NRP1: variants seen among roughly 807,000 people sequenced by gnomAD.
NRP1 encodes neuropilin 1, also known as neuropilin-1.
A neutral mutation model predicts 106.7 loss-of-function variants in NRP1; 35 were observed. The ratio of observed to expected loss-of-function variants is 0.33; its 90% CI spans 0.25 to 0.43. NRP1 has a LOEUF of 0.43. Ranked by LOEUF, NRP1 falls within the 20% of genes least tolerant of loss-of-function variation. The pLI is 1.00. For synonymous variants in NRP1, 437 were observed against 417.9 expected (o/e 1.05, Z -0.56); for missense variants, 1,024 against 1,170.4 (o/e 0.87, Z 1.83).
At chr10:33,277,430 C>T (rs867255819) in intron 2 of NRP1, among the ~76,000 whole-genome samples, 7 of 152,352 alleles carry the variant, frequency 4.6e-5, no homozygotes, top group African/African-American at 1.7e-4. Flanking sequence ...TTTCCTTTCT[C>T]ACACCAGCAC....
chr10:33,287,254 T>C (rs1338407327), intron 2 of NRP1, among the ~76,000 whole-genome samples: 1 of 152,216 alleles, frequency 6.6e-6, no homozygotes, highest in Non-Finnish European at 1.5e-5. Context: ...TCAAAAATAC[T>C]TTCTCATTAA....
chr10:33,260,895 A>G (rs932833903), intron 4 of NRP1, among the ~76,000 whole-genome samples: 4 of 151,438 alleles, frequency 2.6e-5, no homozygotes, highest in Non-Finnish European at 4.4e-5. Context: ...TTGTTTTTGG[A>G]AAGGATATCA....
At chr10:33,291,575 T>C (rs1286500142) in intron 2 of NRP1, among the ~76,000 whole-genome samples, 1 of 152,216 alleles carries the variant, frequency 6.6e-6, no homozygotes, top group Non-Finnish European at 1.5e-5. Flanking sequence ...TGTGGAAACC[T>C]GGACTTCAGT....
At position 33,307,257 on chromosome 10, in the gene NRP1, T is replaced by C. The variant is rs529104391; in HGVS notation, c.248+23451A>G. Among the ~76,000 whole-genome samples, 7 of 152,340 alleles carry C rather than the reference T, an allele frequency of 4.6e-5. No homozygotes were observed. The South Asian group carries it at 1.2e-3, about 27-fold the overall frequency. On this transcript the variant is annotated intron_variant, in intron 2 of 16. Transcript: ENST00000374867. ...AATTAAGACAGAGGTCAGCAAACTA[T>C]GGCCTGTAGATCAAACCTATCTGAC...
chr10:33,237,497 A>G (rs1235924537), intron 6 of NRP1, among the ~76,000 whole-genome samples: 1 of 150,686 alleles, frequency 6.6e-6, no homozygotes, highest in African/African-American at 2.4e-5. Context: ...GCACACACAC[A>G]CACACACACA....
chr10:33,290,797 A>C (rs1458164588), intron 2 of NRP1, among the ~76,000 whole-genome samples: 1 of 152,212 alleles, frequency 6.6e-6, no homozygotes, highest in Non-Finnish European at 1.5e-5. Context: ...ACTGAAATTC[A>C]ATTTCAGAAA....
chr10:33,332,962 A>G (rs1398966174), intron 1 of NRP1, among the ~76,000 whole-genome samples: 1 of 152,042 alleles, frequency 6.6e-6, no homozygotes, highest in East Asian at 1.9e-4. Flanking sequence ...TGAGCTTCAA[A>G]TCTATCTTGT....
chr10:33,226,350 T>C, intron 6 of NRP1, 61 bp from the exon 7 acceptor site: 3 of 1,575,748 alleles, frequency 1.9e-6, no homozygotes, highest in Non-Finnish European at 2.6e-6. Flanking sequence ...ACCCAAAGCA[T>C]CTTTTCCTGT....
intron 2 of NRP1, among the ~76,000 whole-genome samples, chr10:33,276,675 G>T (rs1843718434): frequency 6.6e-6 from 1 of 152,024 alleles, no homozygotes; most frequent in Non-Finnish European, 1.5e-5. Context: ...TATTTTTTGT[G>T]GGGGGATGGG....
intron 15 of NRP1, among the ~76,000 whole-genome samples, chr10:33,183,707 T>C (rs2132581658): frequency 6.6e-6 from 1 of 152,370 alleles, no homozygotes; most frequent in East Asian, 1.9e-4. Context: ...GGTGCTTTAA[T>C]AGATATTTGT....
At chr10:33,232,775 T>C (rs931294337) in intron 6 of NRP1, among the ~76,000 whole-genome samples, 31 of 151,658 alleles carry the variant, frequency 2.0e-4, no homozygotes, top group African/African-American at 6.5e-4. Context: ...TCAGAGTAGT[T>C]GGGATTGTAG....
At position 33,186,507 on chromosome 10, in the gene NRP1, G is replaced by C. The variant is rs1431200538; in HGVS notation, c.2063-19C>G. ...CCATCTCCTGCTGTGACAAAGAACT[G>C]TGTTAGGGAGAGTGGCCAGGATTAC... On this transcript the variant is annotated intron_variant, in intron 13 of 16. Coordinates refer to ENST00000374867, the MANE Select transcript of NRP1 (RefSeq NM_003873.7). The C allele has an allele frequency of 2.5e-6, 4 of 1,588,984 alleles. No individual in the cohort carries two copies. The highest frequency in any genetic ancestry group is 8.6e-7 in the Non-Finnish European group (1 of 1,164,336).
intron 6 of NRP1, among the ~76,000 whole-genome samples, chr10:33,242,084 G>T: frequency 2.0e-5 from 3 of 152,122 alleles, no homozygotes; most frequent in Non-Finnish European, 4.4e-5. Context: ...TTGATAGTCG[G>T]AGCTGAATTT....
At chr10:33,270,391 T>C (rs10827226) in intron 3 of NRP1, among the ~76,000 whole-genome samples, 124,395 of 151,108 alleles carry the variant, frequency 0.82, 51,934 homozygotes, top group East Asian at 0.96. Flanking sequence ...CAATGGCCTG[T>C]GCTCGGCTCA....
chr10:33,189,025 G>C (rs55696830), intron 13 of NRP1, among the ~76,000 whole-genome samples: 37,782 of 150,006 alleles, frequency 0.25, 5,179 homozygotes, highest in East Asian at 0.62. Context: ...TTCACAAAGA[G>C]GGAGCGCTGG....
chr10:33,196,381 G>A (rs1013421324), intron 12 of NRP1, among the ~76,000 whole-genome samples: 1 of 152,102 alleles, frequency 6.6e-6, no homozygotes, highest in Admixed American at 6.5e-5. Context: ...GAACCAACTG[G>A]TGGTCACTAC....
intron 8 of NRP1, among the ~76,000 whole-genome samples, chr10:33,219,117 T>A (rs770112891): frequency 3.3e-5 from 5 of 152,210 alleles, no homozygotes; most frequent in Admixed American, 6.5e-5. Flanking sequence ...CTGGGGCATA[T>A]GCTAGGTTCA....
intron 5 of NRP1, among the ~76,000 whole-genome samples, chr10:33,255,626 A>G (rs570803939): frequency 6.6e-6 from 1 of 152,002 alleles, no homozygotes; most frequent in Non-Finnish European, 1.5e-5. Flanking sequence ...TAACTTTTCA[A>G]TTTTTAGTAG....
chr10:33,195,418 T>C, intron 12 of NRP1: 1 of 473,308 alleles, frequency 2.1e-6, no homozygotes, highest in South Asian at 1.6e-5. Flanking sequence ...TAAAAGTATA[T>C]AAATATTATA....
Sources: gnomAD v4.1 joint callset for allele counts (sites outside exome capture counted in the v4.1 genomes callset) on GRCh38, gnomAD v4.1.1 for gene constraint, MANE v1.5 for transcripts, NCBI Gene and HGNC (gene_info 2026-07-23, HGNC 2026-07-21) for gene names.